The following CDIN1 variants were observed in gnomAD, a reference collection of about 807,000 sequenced individuals.
The protein encoded by CDIN1 is CDAN1 interacting nuclease 1.
Under a neutral mutation model 45.3 loss-of-function variants are expected in CDIN1, and 33 were observed. The observed-to-expected ratio is 0.73, with a 90% CI of 0.55 to 0.97. CDIN1 has a LOEUF of 0.97. Among genes scored for constraint, CDIN1 ranks in the 50% least tolerant of loss-of-function variants. The pLI is 0.00. For missense variants in CDIN1, 303 were observed against 339.4 expected, an observed-to-expected ratio of 0.89 and a Z score of 0.84; for synonymous variants, 118 against 124.4, an observed-to-expected ratio of 0.95 and a Z score of 0.34.
At chr15:36,779,441 C>T (rs1488955727) in intron 10 of CDIN1, among the ~76,000 whole-genome samples, 6 of 152,102 alleles carry the variant, frequency 3.9e-5, no homozygotes, top group African/African-American at 1.2e-4. Flanking sequence ...GACTATAGCC[C>T]AAAGACAGAT....
chr15:36,767,784 T>C (rs1424223648), intron 10 of CDIN1, among the ~76,000 whole-genome samples: 1 of 152,194 alleles, frequency 6.6e-6, no homozygotes, highest in Non-Finnish European at 1.5e-5. Flanking sequence ...TTCAAATGTA[T>C]TGCAGTAGAG....
At chr15:36,650,329 C>T (rs571802880) in intron 3 of CDIN1, among the ~76,000 whole-genome samples, 13 of 152,198 alleles carry the variant, frequency 8.5e-5, no homozygotes, top group African/African-American at 2.6e-4. Flanking sequence ...AGTAAACTCT[C>T]GAGCTGTGTC....
At chr15:36,774,163 T>TGTGTGTGTGTGTGCGCACGC (rs149222188) in intron 10 of CDIN1, among the ~76,000 whole-genome samples, 2 of 143,070 alleles carry the variant, frequency 1.4e-5, no homozygotes, top group African/African-American at 5.3e-5. Context: ...TGTGTGTGTG[T>TGTGTGTGTGTGTGCGCACGC]GCGCGCGCGC....
In CDIN1 at chr15:36,645,215, T is replaced by C. The variant is rs1324414785; in HGVS notation, c.148-8T>C. 1.3e-6 allele frequency: 2 copies of C among 1,548,606 alleles called. No individual in the cohort carries two copies. The highest frequency in any genetic ancestry group is 1.7e-6 in the Non-Finnish European group (2 of 1,145,342). ...GATTTTTTTGTGTTGTTGTTTTTTT[T>C]CTTTCAGAAACACATTAAAAGAACA... On this transcript the variant is annotated splice_region_variant and splice_polypyrimidine_tract_variant and intron_variant, in intron 2 of 10. Coordinates refer to ENST00000566621, the MANE Select transcript of CDIN1 (RefSeq NM_001321759.2).
intron 10 of CDIN1, among the ~76,000 whole-genome samples, chr15:36,790,612 A>C (rs1305089797): frequency 6.6e-6 from 1 of 152,244 alleles, no homozygotes; most frequent in Non-Finnish European, 1.5e-5. Context: ...CATTCTACGC[A>C]TGTAACAAAA....
chr15:36,731,002 A>G (rs933795683), intron 10 of CDIN1, among the ~76,000 whole-genome samples: 1 of 152,086 alleles, frequency 6.6e-6, no homozygotes, highest in Admixed American at 6.6e-5. Context: ...TTGTACTGTA[A>G]TGTAAGTGTC....
At chr15:36,776,094 T>C (rs1437952259) in intron 10 of CDIN1, among the ~76,000 whole-genome samples, 1 of 152,258 alleles carries the variant, frequency 6.6e-6, no homozygotes, top group Non-Finnish European at 1.5e-5. Flanking sequence ...TTTAATTTTC[T>C]AGGAAGTAAC....
chr15:36,734,207 C>G (rs894610572), intron 10 of CDIN1, among the ~76,000 whole-genome samples: 1 of 151,952 alleles, frequency 6.6e-6, no homozygotes, highest in South Asian at 2.1e-4. Context: ...GTAGTCTTCC[C>G]CCTCCTAAAA....
intron 1 of CDIN1, among the ~76,000 whole-genome samples, chr15:36,590,943 T>G (rs914215470): frequency 4.6e-5 from 7 of 152,200 alleles, no homozygotes; most frequent in African/African-American, 1.4e-4. Flanking sequence ...TGATCCAGAT[T>G]TATACTCAGC....
intron 5 of CDIN1, among the ~76,000 whole-genome samples, chr15:36,674,359 T>C (rs950219957): frequency 2.6e-5 from 4 of 152,248 alleles, no homozygotes; most frequent in Middle Eastern, 3.4e-3. Context: ...AGCCTCTTTA[T>C]GAATTTTTTA....
chr15:36,637,536 C>T (rs898991912), intron 1 of CDIN1, among the ~76,000 whole-genome samples: 3 of 152,132 alleles, frequency 2.0e-5, no homozygotes, highest in Non-Finnish European at 4.4e-5. Context: ...AAAGTCGTTA[C>T]AAACACTTGA....
chr15:36,807,984 G>C (rs1475236018), intron 10 of CDIN1, among the ~76,000 whole-genome samples: 2 of 152,124 alleles, frequency 1.3e-5, no homozygotes, highest in Non-Finnish European at 2.9e-5. Context: ...GCATTCCCCA[G>C]CTCATTCCTG....
At chr15:36,775,653 T>C (rs2054200014) in intron 10 of CDIN1, among the ~76,000 whole-genome samples, 1 of 152,232 alleles carries the variant, frequency 6.6e-6, no homozygotes, top group South Asian at 2.1e-4. Flanking sequence ...CTTGATCCAA[T>C]AGCAATGAAG....
At chr15:36,656,612 A>G (rs2040793508) in intron 4 of CDIN1, among the ~76,000 whole-genome samples, 1 of 152,148 alleles carries the variant, frequency 6.6e-6, no homozygotes, top group South Asian at 2.1e-4. Context: ...CATGATTAAT[A>G]TGAAAATTAG....
At chr15:36,781,028 G>T (rs996191038) in intron 10 of CDIN1, among the ~76,000 whole-genome samples, 3 of 152,168 alleles carry the variant, frequency 2.0e-5, no homozygotes, top group African/African-American at 7.2e-5. Context: ...TCACCAATGA[G>T]TATGTAACTC....
rs531671459 is a variant in CDIN1, at chr15:36,718,670, ATTGATTTTGTATT to A, written c.716+8718_716+8730del. ...TTCATTGCTACTATAGAGGAATACA[ATTGATTTTGTATT>A]TTGATTTTCTATACTGCAATAAAAC... is the stretch of plus-strand genomic sequence containing the variant. On this transcript the variant is annotated intron_variant, in intron 10 of 10. Transcript: ENST00000566621. Among the ~76,000 whole-genome samples, 4 of 152,176 alleles carry A rather than the reference ATTGATTTTGTATT, an allele frequency of 2.6e-5. No individual in the cohort carries two copies. In the East Asian group the frequency reaches 7.7e-4, roughly 29 times the overall value.
chr15:36,739,410 GCAAAA>G (rs139738188), intron 10 of CDIN1, among the ~76,000 whole-genome samples: 30,348 of 150,916 alleles, frequency 0.2, 3,174 homozygotes, highest in Admixed American at 0.29. Flanking sequence ...GTCTCTAAAT[GCAAAA>G]CAAAACAAAA....
At chr15:36,778,735 CTG>C (rs2054279602) in intron 10 of CDIN1, among the ~76,000 whole-genome samples, 1 of 152,186 alleles carries the variant, frequency 6.6e-6, no homozygotes, top group Non-Finnish European at 1.5e-5. Flanking sequence ...ATGGTGTACA[CTG>C]TCGTCTGTCC....
At chr15:36,718,427 T>C (rs1197770740) in intron 10 of CDIN1, among the ~76,000 whole-genome samples, 1 of 152,150 alleles carries the variant, frequency 6.6e-6, no homozygotes, top group Non-Finnish European at 1.5e-5. Context: ...TACATTGAAT[T>C]TACAGATCAA....
Sources: gnomAD v4.1 joint callset for allele counts (sites outside exome capture counted in the v4.1 genomes callset) on GRCh38, gnomAD v4.1.1 for gene constraint, MANE v1.5 for transcripts, NCBI Gene and HGNC (gene_info 2026-07-23, HGNC 2026-07-21) for gene names.